RBFOX1: variants seen among roughly 807,000 people sequenced by gnomAD.
RBFOX1 encodes the protein RNA binding fox-1 homolog 1.
A neutral mutation model predicts 57.7 loss-of-function variants in RBFOX1; 8 were observed. The observed-to-expected ratio is 0.14, with a 90% CI of 0.08 to 0.25. RBFOX1 has a LOEUF of 0.25. Ranked by LOEUF, RBFOX1 falls within the 10% of genes least tolerant of loss-of-function variation. RBFOX1 has a pLI of 1.00. For missense variants in RBFOX1, 611 were observed against 548.5 expected (o/e 1.11, Z -1.14); for synonymous variants, 326 against 222.4 (o/e 1.47, Z -4.15).
chr16:5,553,393 G>A (rs1314682470), intron 2 of RBFOX1, among the ~76,000 whole-genome samples: 6 of 150,776 alleles, frequency 4.0e-5, no homozygotes, highest in Admixed American at 4.0e-4. Context: ...TCAGCTCACT[G>A]CACACTCCGC....
intron 3 of RBFOX1, among the ~76,000 whole-genome samples, chr16:5,857,211 T>C (rs1597513518): frequency 6.6e-6 from 1 of 152,106 alleles, no homozygotes; most frequent in African/African-American, 2.4e-5. Flanking sequence ...GTTTGCGAAA[T>C]AGTCAGAACA....
chr16:7,290,717 T>G (rs952271865), intron 4 of RBFOX1, among the ~76,000 whole-genome samples: 2 of 152,238 alleles, frequency 1.3e-5, no homozygotes, highest in African/African-American at 4.8e-5. Context: ...ACCGTTCTCA[T>G]GGGACATGTG....
At chr16:7,204,595 A>C (rs769155919) in intron 4 of RBFOX1, among the ~76,000 whole-genome samples, 3 of 152,186 alleles carry the variant, frequency 2.0e-5, no homozygotes, top group East Asian at 3.8e-4. Context: ...GTAGTGAGCT[A>C]TGATCGTGCC....
chr16:6,135,934 A>G (rs1398983733), intron 1 of RBFOX1, among the ~76,000 whole-genome samples: 2 of 151,568 alleles, frequency 1.3e-5, no homozygotes, highest in African/African-American at 2.4e-5. Context: ...AGCTGGGAGT[A>G]TAGGTGCCCG....
At chr16:6,156,386 G>A (rs1457997688) in intron 1 of RBFOX1, among the ~76,000 whole-genome samples, 4 of 152,284 alleles carry the variant, frequency 2.6e-5, no homozygotes, top group South Asian at 2.1e-4. Context: ...TTGACTGATC[G>A]TAAAATGCTT....
rs559194680 is a variant in RBFOX1 at position 6,966,755 on chromosome 16, C to G, written c.-15-85302C>G. Among the ~76,000 whole-genome samples the G allele has an allele frequency of 4.9e-5, 5 of 102,850 alleles. No individual in the cohort carries two copies. The East Asian group carries it at 1.1e-3, about 23-fold the overall frequency. The allele number at this position is 102,850 out of a possible 152,430, so 67.5% of individuals were successfully genotyped here. A position where few individuals can be genotyped will look rare whatever the true frequency, so the allele number is the denominator to read the frequency against. The stretch of plus-strand genomic sequence containing the variant: ...TGTAACTCTGCCTGCCTCTATCTGT[C>G]TGTCTGTCTATCTATCTATCTATCT... On this transcript the variant is annotated intron_variant, in intron 3 of 15. Transcript: ENST00000550418.
intron 3 of RBFOX1, among the ~76,000 whole-genome samples, chr16:6,678,548 T>G (rs1175520305): frequency 2.0e-5 from 3 of 151,592 alleles, no homozygotes; most frequent in African/African-American, 7.3e-5. Flanking sequence ...ACCAAAGATT[T>G]GAGATTTCTC....
intron 2 of RBFOX1, among the ~76,000 whole-genome samples, chr16:6,586,262 G>T (rs867121074): frequency 1.3e-5 from 2 of 152,132 alleles, no homozygotes; most frequent in Non-Finnish European, 2.9e-5. Context: ...CAATTTCTTT[G>T]AACCACTCGT....
rs545302575 is a variant in RBFOX1 at position 6,412,137 on chromosome 16, A to C, written c.-64+95080A>C. The stretch of plus-strand genomic sequence containing the variant: ...AATAGTGCAAGACTCCATGTAAAAA[A>C]AAAAAAACAAAAAAACAAAAAAACA... On this transcript the variant is annotated intron_variant, in intron 2 of 15. Transcript: ENST00000550418. Among the ~76,000 whole-genome samples, 94 of 144,618 alleles carry C rather than the reference A, an allele frequency of 6.5e-4. 1 individual carries two copies. Among genetic ancestry groups the C allele is most frequent in the South Asian group, 1.1e-3 (5 of 4,694 alleles). The allele number at this position is 144,618 out of a possible 152,430, so 94.9% of individuals were successfully genotyped here.
chr16:6,703,559 A>T (rs2062191015), intron 3 of RBFOX1, among the ~76,000 whole-genome samples: 1 of 152,034 alleles, frequency 6.6e-6, no homozygotes, highest in Non-Finnish European at 1.5e-5. Context: ...ATAAAAATAA[A>T]AAAAGCCTGG....
chr16:5,464,907 G>A (rs2068905811), intron 1 of RBFOX1, among the ~76,000 whole-genome samples: 3 of 152,198 alleles, frequency 2.0e-5, no homozygotes, highest in African/African-American at 4.8e-5. Flanking sequence ...TTCAGCCCCT[G>A]TGTGCAGACC....
intron 3 of RBFOX1, among the ~76,000 whole-genome samples, chr16:7,005,198 C>T (rs956466330): frequency 6.9e-6 from 1 of 144,394 alleles, no homozygotes; most frequent in Non-Finnish European, 1.5e-5. Context: ...CACATATCCT[C>T]ACCTTTTTGT....
At chr16:5,999,304 A>G (rs906021362) in intron 4 of RBFOX1, among the ~76,000 whole-genome samples, 2 of 152,096 alleles carry the variant, frequency 1.3e-5, no homozygotes, top group African/African-American at 2.4e-5. Flanking sequence ...TTCTTCCCCA[A>G]ACTAACTTTG....
chr16:6,442,905 C>A (rs891814980), intron 2 of RBFOX1, among the ~76,000 whole-genome samples: 2 of 152,090 alleles, frequency 1.3e-5, no homozygotes, highest in African/African-American at 4.8e-5. Flanking sequence ...GTTTGCCATG[C>A]GAAAGTAACC....
intron 5 of RBFOX1, among the ~76,000 whole-genome samples, chr16:7,539,840 G>T (rs961675907): frequency 5.9e-5 from 9 of 152,202 alleles, no homozygotes; most frequent in African/African-American, 2.2e-4. Flanking sequence ...ATAGCATCCA[G>T]ATAGATGAGA....
chr16:5,829,459 G>A (rs1221828532), intron 3 of RBFOX1, among the ~76,000 whole-genome samples: 5 of 152,206 alleles, frequency 3.3e-5, no homozygotes. Flanking sequence ...ATGGACCAGG[G>A]TGGTGGCATG....
chr16:6,437,320 G>T (rs970993620), intron 2 of RBFOX1, among the ~76,000 whole-genome samples: 1 of 152,262 alleles, frequency 6.6e-6, no homozygotes, highest in South Asian at 2.1e-4. Context: ...TTTTTAAAAT[G>T]TGTCTGTGCA....
At chr16:5,893,122 C>T (rs1286619750) in intron 4 of RBFOX1, among the ~76,000 whole-genome samples, 1 of 152,220 alleles carries the variant, frequency 6.6e-6, no homozygotes, top group East Asian at 1.9e-4. Context: ...TTTTACCTCA[C>T]ATTATATCAC....
At chr16:5,615,514 G>T (rs1263019955) in intron 3 of RBFOX1, among the ~76,000 whole-genome samples, 2 of 152,330 alleles carry the variant, frequency 1.3e-5, no homozygotes, top group South Asian at 2.1e-4. Context: ...ATGAGGACAG[G>T]AGGGACATTG....
Sources: allele counts gnomAD v4.1 joint callset (sites outside exome capture counted in the v4.1 genomes callset), GRCh38; gene constraint gnomAD v4.1.1; transcripts MANE v1.5; gene names NCBI Gene and HGNC (gene_info 2026-07-23, HGNC 2026-07-21).